The following RIGI variants were observed in gnomAD, a reference collection of about 807,000 sequenced individuals.
The protein encoded by RIGI is RNA sensor RIG-I.
chr9:32,487,627 C>T, the RIGI span: 1 of 1,614,012 alleles, frequency 6.2e-7, no homozygotes, highest in Non-Finnish European at 8.5e-7. Context: ...GCAGTCAGCC[C>T]AATGACCTGT....
the RIGI span, among the ~76,000 whole-genome samples, chr9:32,515,308 A>T: frequency 8.9e-6 from 1 of 112,302 alleles, no homozygotes. Context: ...ACAGAGCAGG[A>T]CTCTGTCTCA....
chr9:32,507,629 CTTCT>C, the RIGI span, among the ~76,000 whole-genome samples: 4 of 151,272 alleles, frequency 2.6e-5, no homozygotes, highest in South Asian at 4.2e-4. Flanking sequence ...ATATTTGTCC[CTTCT>C]TTATCTCTTT....
chr9:32,498,478 G>C, the RIGI span: 3 of 409,746 alleles, frequency 7.3e-6, no homozygotes, highest in Admixed American at 7.6e-5. Flanking sequence ...TGGCCACCAT[G>C]CAGACTGCAA....
chr9:32,485,148 G>A, the RIGI span: 1 of 1,518,366 alleles, frequency 6.6e-7, no homozygotes, highest in Non-Finnish European at 9.0e-7. Flanking sequence ...CCAGTAGAGA[G>A]AACACAAAAT....
At chr9:32,480,095 T>C in the RIGI span, 1 of 1,045,844 alleles carries the variant, frequency 9.6e-7, no homozygotes, top group Non-Finnish European at 1.4e-6. Flanking sequence ...TCCATCTTCC[T>C]ACATCCAGGA....
chr9:32,479,961 G>T, the RIGI span, among the ~76,000 whole-genome samples: 2 of 151,814 alleles, frequency 1.3e-5, no homozygotes, highest in Non-Finnish European at 2.9e-5. Flanking sequence ...GCTACTGTCT[G>T]TGAACCATAT....
chr9:32,491,455 A>G, the RIGI span: 1,429 of 1,533,520 alleles, frequency 9.3e-4, 13 homozygotes, highest in African/African-American at 0.017. Context: ...GAATCTTCAC[A>G]TAATCTGATT....
At chr9:32,461,029 T>C in the RIGI span, among the ~76,000 whole-genome samples, 2 of 120,886 alleles carry the variant, frequency 1.7e-5, no homozygotes, top group Admixed American at 9.1e-5. Context: ...AAGAAAAAAA[T>C]CTTGAAAGCA....
chr9:32,497,686 G>A, the RIGI span, among the ~76,000 whole-genome samples: 8 of 152,254 alleles, frequency 5.3e-5, no homozygotes, highest in Non-Finnish European at 1.0e-4. Context: ...GGCGGAGCTT[G>A]CAGTGAGCCG....
chr9:32,477,857 A>G, the RIGI span, among the ~76,000 whole-genome samples: 1 of 152,044 alleles, frequency 6.6e-6, no homozygotes, highest in Non-Finnish European at 1.5e-5. Flanking sequence ...CCTGGGAAGC[A>G]GGGGTTACAG....
chr9:32,455,956 T>C, the RIGI span: 1 of 152,244 alleles, frequency 6.6e-6, no homozygotes, highest in East Asian at 1.9e-4. Flanking sequence ...GGGAGGCAGC[T>C]GTAACACCTC....
chr9:32,478,625 T>A, the RIGI span, among the ~76,000 whole-genome samples: 5 of 152,114 alleles, frequency 3.3e-5, no homozygotes, highest in African/African-American at 9.7e-5. Context: ...AGTGGTGCAA[T>A]CTCGGCTCAC....
the RIGI span, among the ~76,000 whole-genome samples, chr9:32,498,503 T>C: frequency 1.3e-5 from 2 of 152,112 alleles, no homozygotes. Context: ...TTATGAAAAA[T>C]AAAGCTCTCC....
At chr9:32,513,344 A>T in the RIGI span, among the ~76,000 whole-genome samples, 14 of 152,226 alleles carry the variant, frequency 9.2e-5, no homozygotes, top group Admixed American at 2.0e-4. Context: ...ACAGTAATCA[A>T]AAGAGCATGG....
At chr9:32,480,424 C>A in the RIGI span, 1 of 1,399,796 alleles carries the variant, frequency 7.1e-7, no homozygotes, top group Non-Finnish European at 9.6e-7. Flanking sequence ...AAGTTCAATT[C>A]GTTGTATTTA....
At chr9:32,459,954 C>A in the RIGI span, among the ~76,000 whole-genome samples, 1 of 152,050 alleles carries the variant, frequency 6.6e-6, no homozygotes, top group African/African-American at 2.4e-5. Context: ...TATGGTTTGG[C>A]TGTGTCCTCA....
the RIGI span, chr9:32,473,114 G>T: frequency 1.5e-6 from 2 of 1,339,592 alleles, no homozygotes; most frequent in Non-Finnish European, 2.1e-6. Flanking sequence ...TAAATCATTT[G>T]TATTAATTCA....
At chr9:32,521,443 GTTTGT>G in the RIGI span, among the ~76,000 whole-genome samples, 9 of 152,090 alleles carry the variant, frequency 5.9e-5, no homozygotes, top group Non-Finnish European at 1.0e-4. Flanking sequence ...GGGTAAATGT[GTTTGT>G]TTTATCTTTT....
chr9:32,488,586 A>C, the RIGI span: 1 of 817,528 alleles, frequency 1.2e-6, no homozygotes, highest in Non-Finnish European at 1.7e-6. Context: ...AACAAAAAAG[A>C]CTTGAATCCA....
Sources: allele counts gnomAD v4.1 joint callset (sites outside exome capture counted in the v4.1 genomes callset), GRCh38; gene constraint gnomAD v4.1.1; transcripts MANE v1.5; gene names NCBI Gene and HGNC (gene_info 2026-07-23, HGNC 2026-07-21).